RABGAP1L: variants seen among roughly 807,000 people sequenced by gnomAD.
The protein encoded by RABGAP1L is RAB GTPase activating protein 1 like.
A neutral mutation model predicts 137.7 loss-of-function variants in RABGAP1L; 63 were observed. The ratio of observed to expected loss-of-function variants is 0.46; its 90% CI spans 0.37 to 0.56. The LOEUF (loss-of-function observed/expected upper bound fraction) is 0.56. RABGAP1L is among the 20% of genes least tolerant of loss of function. The pLI is 0.00. For missense variants in RABGAP1L, 1,095 were observed against 1,244.0 expected (o/e 0.88, Z 1.80); for synonymous variants, 431 against 433.7 (o/e 0.99, Z 0.08).
chr1:174,582,164 G>C (rs1016532353), intron 13 of RABGAP1L, among the ~76,000 whole-genome samples: 1 of 152,030 alleles, frequency 6.6e-6, no homozygotes. Flanking sequence ...TTGAGCCCAG[G>C]AGTTTGATAC....
chr1:174,769,860 AAAG>A (rs1038668278), intron 18 of RABGAP1L, among the ~76,000 whole-genome samples: 4 of 152,170 alleles, frequency 2.6e-5, no homozygotes, highest in Non-Finnish European at 4.4e-5. Context: ...CTCAAAAAAA[AAAG>A]AAAGAAAAGC....
At chr1:174,598,522 T>G (rs1183909969) in intron 13 of RABGAP1L, among the ~76,000 whole-genome samples, 1 of 152,194 alleles carries the variant, frequency 6.6e-6, no homozygotes, top group Non-Finnish European at 1.5e-5. Context: ...CTCCAACTAT[T>G]ACTGTATTGG....
rs1557996318 is a variant in RABGAP1L, at chr1:174,699,639, A to G, written c.2014A>G (p.Arg672Gly). 8.1e-6 allele frequency: 13 copies of G among 1,605,796 alleles called. No individual in the cohort carries two copies. Among genetic ancestry groups the G allele is most frequent in the Non-Finnish European group, 1.0e-5 (12 of 1,173,852 alleles). Residue 672 changes from arginine to glycine, a missense_variant, in exon 16 of 26, where the codon AGA (arginine) becomes GGA (glycine). Physicochemically the swap from Arg to Gly is moderately radical, Grantham distance 125 (BLOSUM62 -2). Around this residue, in one of 4 missense-constraint regions of RABGAP1L, gnomAD observed 315 missense variants for 324.8 expected, o/e 0.97. Transcript: ENST00000681986. ...DLHCKFYQLE[R>G]LMQEQLPDLH... ...TCATTGCAAATTCTACCAGTTGGAG[A>G]GACTAATGCAGGTAAATAAAAATTA...
intron 13 of RABGAP1L, among the ~76,000 whole-genome samples, chr1:174,601,939 A>C (rs995783804): frequency 1.3e-5 from 2 of 152,148 alleles, no homozygotes; most frequent in Non-Finnish European, 2.9e-5. Flanking sequence ...CAAGTTCCTC[A>C]TCTCTACCTG....
chr1:174,939,715 C>A (rs1369714879), intron 19 of RABGAP1L, among the ~76,000 whole-genome samples: 2 of 151,602 alleles, frequency 1.3e-5, no homozygotes, highest in Non-Finnish European at 2.9e-5. Context: ...GAGAAAACTT[C>A]CAAATTTAAT....
intron 4 of RABGAP1L, among the ~76,000 whole-genome samples, chr1:174,240,598 C>A (rs548950488): frequency 6.6e-6 from 1 of 151,682 alleles, no homozygotes; most frequent in African/African-American, 2.4e-5. Context: ...GCTTCCAAAT[C>A]CCAGACTCCT....
intron 13 of RABGAP1L, among the ~76,000 whole-genome samples, chr1:174,566,578 G>A (rs1667603633): frequency 6.6e-6 from 1 of 152,110 alleles, no homozygotes; most frequent in South Asian, 2.1e-4. Context: ...TTCTCTTTAT[G>A]CCTTATATTC....
intron 19 of RABGAP1L, among the ~76,000 whole-genome samples, chr1:174,932,595 T>C (rs942567686): frequency 1.3e-5 from 2 of 152,186 alleles, no homozygotes; most frequent in Non-Finnish European, 2.9e-5. Flanking sequence ...CAAGGTTCTT[T>C]ATGTAAAGTT....
In RABGAP1L at chr1:174,562,773, A is replaced by G. The variant is rs544757854; in HGVS notation, c.1711-74602A>G. Among the ~76,000 whole-genome samples, 12 of 152,270 alleles carry G rather than the reference A, an allele frequency of 7.9e-5. No homozygotes were observed. In the East Asian group the frequency reaches 2.3e-3, roughly 29 times the overall value. ...ACAAGAACAGAAAACCAAACACCGC[A>G]TGTTCTCACTCGTAAGTGGGAGTTG... is the stretch of plus-strand genomic sequence containing the variant. On this transcript the variant is annotated intron_variant, in intron 13 of 25. Coordinates refer to ENST00000681986, the MANE Select transcript of RABGAP1L (RefSeq NM_001366446.1).
chr1:174,614,611 C>A (rs1042485543), intron 13 of RABGAP1L, among the ~76,000 whole-genome samples: 1 of 152,120 alleles, frequency 6.6e-6, no homozygotes, highest in African/African-American at 2.4e-5. Context: ...TTTCCTGAAT[C>A]TGAATGTTGG....
intron 18 of RABGAP1L, among the ~76,000 whole-genome samples, chr1:174,807,085 C>A (rs1446523593): frequency 6.6e-6 from 1 of 152,024 alleles, no homozygotes; most frequent in Non-Finnish European, 1.5e-5. Context: ...CCATGCCTGG[C>A]CTGTAAAGCA....
At chr1:174,439,506 A>T (rs1055515705) in intron 13 of RABGAP1L, among the ~76,000 whole-genome samples, 4 of 152,204 alleles carry the variant, frequency 2.6e-5, no homozygotes, top group African/African-American at 9.6e-5. Flanking sequence ...TTTTTAGATG[A>T]TAAGTAATTA....
intron 13 of RABGAP1L, among the ~76,000 whole-genome samples, chr1:174,627,141 T>TA (rs1433489501): frequency 2.0e-5 from 3 of 152,228 alleles, no homozygotes; most frequent in East Asian, 3.9e-4. Flanking sequence ...TAGGGATTAA[T>TA]AAAAAAAGAT....
intron 1 of RABGAP1L, among the ~76,000 whole-genome samples, chr1:174,160,592 G>A (rs1448033807): frequency 6.6e-6 from 1 of 152,154 alleles, no homozygotes; most frequent in African/African-American, 2.4e-5. Flanking sequence ...TTACACTAAT[G>A]GTAAGGAGAA....
chr1:174,818,609 C>T (rs1690684243), intron 19 of RABGAP1L, among the ~76,000 whole-genome samples: 1 of 152,152 alleles, frequency 6.6e-6, no homozygotes, highest in South Asian at 2.1e-4. Flanking sequence ...AGCATGGTGG[C>T]TCACACCTGT....
intron 23 of RABGAP1L, among the ~76,000 whole-genome samples, chr1:174,979,969 T>TA (rs1670953063): frequency 6.6e-6 from 1 of 152,238 alleles, no homozygotes; most frequent in African/African-American, 2.4e-5. Flanking sequence ...GTCTGATACT[T>TA]ACTTTTTAAA....
rs1171670263 is a variant in RABGAP1L at position 174,613,928 on chromosome 1, C to T, written c.1711-23447C>T. Among the ~76,000 whole-genome samples, 11 of 151,976 alleles carry T rather than the reference C, an allele frequency of 7.2e-5. No homozygotes were observed. The East Asian group carries it at 7.7e-4, about 11-fold the overall frequency. ...TTGCTTGGTAGATCTTCCTCCATCC[C>T]TTTATTTTGAGCCTATGTGTGTCTC... On this transcript the variant is annotated intron_variant, in intron 13 of 25. Coordinates refer to ENST00000681986, the MANE Select transcript of RABGAP1L (RefSeq NM_001366446.1).
intron 19 of RABGAP1L, among the ~76,000 whole-genome samples, chr1:174,868,270 T>G (rs1381695355): frequency 6.6e-6 from 1 of 152,232 alleles, no homozygotes; most frequent in Non-Finnish European, 1.5e-5. Context: ...CTAAATTGCT[T>G]AAACTCTTAG....
At chr1:174,726,684 C>T (rs999409326) in intron 17 of RABGAP1L, among the ~76,000 whole-genome samples, 3 of 151,982 alleles carry the variant, frequency 2.0e-5, no homozygotes, top group Non-Finnish European at 4.4e-5. Flanking sequence ...GACTTTTTGT[C>T]ATTCCTTCTC....
Sources: allele counts gnomAD v4.1 joint callset (sites outside exome capture counted in the v4.1 genomes callset), GRCh38; gene constraint gnomAD v4.1.1; regional missense constraint gnomAD v4.1.1; transcripts MANE v1.5; gene names NCBI Gene and HGNC (gene_info 2026-07-23, HGNC 2026-07-21).